The following TMEM135 variants were observed in gnomAD, a reference collection of about 807,000 sequenced individuals.
TMEM135 encodes transmembrane protein 135.
Under a neutral mutation model 60.3 loss-of-function variants are expected in TMEM135, and 30 were observed. That is an observed-to-expected ratio of 0.50 (90% confidence interval 0.37 to 0.68). The LOEUF is 0.68. Among genes scored for constraint, TMEM135 ranks in the 30% least tolerant of loss-of-function variants. The pLI is 0.00. For missense variants in TMEM135, 468 were observed against 548.8 expected, an observed-to-expected ratio of 0.85 and a Z score of 1.47; for synonymous variants, 190 against 186.7, an observed-to-expected ratio of 1.02 and a Z score of -0.14.
intron 3 of TMEM135, among the ~76,000 whole-genome samples, chr11:87,082,484 A>T (rs772806444): frequency 6.6e-6 from 1 of 152,194 alleles, no homozygotes; most frequent in African/African-American, 2.4e-5. Flanking sequence ...AAGAATTTAT[A>T]ATTATGCCTT....
At chr11:87,249,822 C>T (rs1003824995) in intron 6 of TMEM135, among the ~76,000 whole-genome samples, 8 of 151,986 alleles carry the variant, frequency 5.3e-5, no homozygotes, top group Non-Finnish European at 1.0e-4. Flanking sequence ...TACTATTGTC[C>T]TCATAGAATG....
intron 5 of TMEM135, among the ~76,000 whole-genome samples, chr11:87,225,891 G>A (rs941894192): frequency 6.6e-6 from 1 of 151,866 alleles, no homozygotes; most frequent in Non-Finnish European, 1.5e-5. Context: ...CTAGTGCCTG[G>A]CACCATTAAT....
chr11:87,278,695 T>G (rs1425656254), intron 6 of TMEM135, among the ~76,000 whole-genome samples: 1 of 152,152 alleles, frequency 6.6e-6, no homozygotes, highest in Non-Finnish European at 1.5e-5. Flanking sequence ...TAACTTTGAG[T>G]TATAATTTAT....
In TMEM135 at chr11:87,324,915, GA is replaced by G. The variant is rs1565174294; in HGVS notation, c.*3589del. ...CACTCAGCTGAAAATGAGTGGCCAA[GA>G]AAAAAATACAAGAAAAGGAATAAGA... On this transcript the variant is annotated 3_prime_UTR_variant, in exon 15 of 15. Transcript: ENST00000305494. 4 of 453,766 alleles carry G rather than the reference GA, an allele frequency of 8.8e-6. No homozygotes were observed. Among genetic ancestry groups the G allele is most frequent in the Admixed American group, 4.7e-5 (2 of 42,534 alleles). 28.1% of individuals were successfully genotyped at this position (453,766 alleles called of 1,614,324 possible).
At chr11:87,059,444 T>G (rs555537466) in intron 1 of TMEM135, among the ~76,000 whole-genome samples, 1 of 152,038 alleles carries the variant, frequency 6.6e-6, no homozygotes, top group East Asian at 1.9e-4. Flanking sequence ...GCCTCACAAG[T>G]AGCTGGGATT....
chr11:87,166,869 G>A (rs1939065662), intron 5 of TMEM135, among the ~76,000 whole-genome samples: 1 of 152,030 alleles, frequency 6.6e-6, no homozygotes, highest in Non-Finnish European at 1.5e-5. Context: ...GATGGGGATA[G>A]CATTGAATCT....
chr11:87,038,331 A>T (rs1477478393), intron 1 of TMEM135, 145 bp downstream of exon 1: 17 of 251,446 alleles, frequency 6.8e-5, no homozygotes, highest in Non-Finnish European at 1.2e-4. Flanking sequence ...GGGGGTCGGT[A>T]GGGGGAAGGG....
At chr11:87,130,525 C>G (rs1336167003) in intron 4 of TMEM135, among the ~76,000 whole-genome samples, 1 of 152,080 alleles carries the variant, frequency 6.6e-6, no homozygotes, top group Non-Finnish European at 1.5e-5. Flanking sequence ...GTCCTGCCAT[C>G]CCCTCTTCTT....
intron 6 of TMEM135, among the ~76,000 whole-genome samples, chr11:87,262,110 C>G (rs1941664479): frequency 6.6e-6 from 1 of 151,838 alleles, no homozygotes; most frequent in South Asian, 2.1e-4. Context: ...GTATTTAAAC[C>G]TTCTCAACAG....
chr11:87,191,355 C>T (rs368355201), intron 5 of TMEM135, among the ~76,000 whole-genome samples: 1 of 152,128 alleles, frequency 6.6e-6, no homozygotes. Context: ...ATTCTCCTGC[C>T]TCAGCCTCCT....
chr11:87,050,454 T>C lies in TMEM135; in HGVS notation c.141+12268T>C, dbSNP rs1479752032. 4.6e-4 allele frequency among the ~76,000 whole-genome samples: 33 copies of C among 72,044 alleles called. 4 individuals are homozygous for C. The highest frequency in any genetic ancestry group is 4.7e-5 in the Non-Finnish European group (2 of 42,670). 47.3% of individuals were successfully genotyped at this position (72,044 alleles called of 152,430 possible). A position where few individuals can be genotyped will look rare whatever the true frequency, so the allele number is the denominator to read the frequency against. Reference sequence around the variant, plus strand: ...TAAAGAAAAAAAGAGAAGAATCAAATAGACACAATAAAAAATGATAAAGGG... The same window carrying C: ...TAAAGAAAAAAAGAGAAGAATCAAACAGACACAATAAAAAATGATAAAGGG... On this transcript the variant is annotated intron_variant, in intron 1 of 14. Coordinates refer to ENST00000305494, the MANE Select transcript of TMEM135 (RefSeq NM_022918.4).
chr11:87,166,676 G>T (rs1358838019), intron 5 of TMEM135, among the ~76,000 whole-genome samples: 1 of 151,590 alleles, frequency 6.6e-6, no homozygotes, highest in East Asian at 1.9e-4. Context: ...ATCTGTTTTG[G>T]TACCAGTACC....
chr11:87,053,517 G>A (rs989362952), intron 1 of TMEM135, among the ~76,000 whole-genome samples: 4 of 152,084 alleles, frequency 2.6e-5, no homozygotes, highest in African/African-American at 9.7e-5. Flanking sequence ...TAGGGAAGGG[G>A]AGTTGAAGTG....
At chr11:87,191,968 G>GTTTCT (rs1279912164) in intron 5 of TMEM135, among the ~76,000 whole-genome samples, 94 of 121,160 alleles carry the variant, frequency 7.8e-4, no homozygotes, top group Middle Eastern at 4.2e-3. Context: ...TATTTCTTTT[G>GTTTCT]TTTCTTTTCT....
intron 6 of TMEM135, among the ~76,000 whole-genome samples, chr11:87,238,943 C>T (rs560474): frequency 0.72 from 109,026 of 151,886 alleles, 39,609 homozygotes; most frequent in Non-Finnish European, 0.76. Flanking sequence ...ATGTGATTAA[C>T]GTGTAGCATT....
chr11:87,093,089 A>G (rs1857246578), intron 4 of TMEM135, among the ~76,000 whole-genome samples: 1 of 151,960 alleles, frequency 6.6e-6, no homozygotes, highest in African/African-American at 2.4e-5. Context: ...AAACATTGTT[A>G]TGTCCCTCTT....
chr11:87,167,486 A>T (rs866450138), intron 5 of TMEM135, among the ~76,000 whole-genome samples: 1 of 152,152 alleles, frequency 6.6e-6, no homozygotes, highest in African/African-American at 2.4e-5. Flanking sequence ...TGATCCATCA[A>T]TACCTAGTTT....
chr11:87,188,418 C>T (rs534002381), intron 5 of TMEM135, among the ~76,000 whole-genome samples: 98 of 152,008 alleles, frequency 6.4e-4, no homozygotes, highest in Middle Eastern at 3.4e-3. Context: ...ATAATAGAAG[C>T]GGCCTGGGCG....
chr11:87,235,038 A>G (rs911888198), intron 5 of TMEM135, among the ~76,000 whole-genome samples: 5 of 151,962 alleles, frequency 3.3e-5, no homozygotes, highest in African/African-American at 1.2e-4. Flanking sequence ...GAAGGATGAC[A>G]TTGTCCAACG....
Sources: allele counts gnomAD v4.1 joint callset (sites outside exome capture counted in the v4.1 genomes callset), GRCh38; gene constraint gnomAD v4.1.1; transcripts MANE v1.5; gene names NCBI Gene and HGNC (gene_info 2026-07-23, HGNC 2026-07-21).